Variants in SMC3 observed in about 807,000 individuals in gnomAD.
SMC3 encodes structural maintenance of chromosomes protein 3.
A neutral mutation model predicts 171.8 loss-of-function variants in SMC3; 20 were observed. The ratio of observed to expected loss-of-function variants is 0.12; its 90% CI spans 0.08 to 0.17. The LOEUF is 0.17. SMC3 is among the 10% of genes least tolerant of loss of function. The pLI, the probability that SMC3 is intolerant of heterozygous loss-of-function variation, is 1.00. For missense variants in SMC3, 543 were observed against 1,420.4 expected (o/e 0.38, Z 9.93); for synonymous variants, 464 against 451.1 (o/e 1.03, Z -0.36).
chr10:110,589,761 C>T, intron 14 of SMC3, 53 bp downstream of exon 14: 2 of 1,401,386 alleles, frequency 1.4e-6, no homozygotes, highest in Non-Finnish European at 2.0e-6. Context: ...TCGTTACTAG[C>T]TGTTATGTGG....
chr10:110,598,095 G>T, intron 19 of SMC3, 44 bp from the exon 20 acceptor site: 2 of 1,562,336 alleles, frequency 1.3e-6, no homozygotes, highest in East Asian at 2.2e-5. Flanking sequence ...AAGAACATAC[G>T]ATATATTTAC....
intron 27 of SMC3, 60 bp from the exon 28 acceptor site, chr10:110,603,123 CT>C: frequency 6.5e-7 from 1 of 1,536,534 alleles, no homozygotes; most frequent in Non-Finnish European, 9.0e-7. Flanking sequence ...AAGATAGTTG[CT>C]TTTTAAATTT....
At chr10:110,585,808 T>G (rs11195201) in intron 13 of SMC3, among the ~76,000 whole-genome samples, 1 of 151,724 alleles carries the variant, frequency 6.6e-6, no homozygotes, top group Non-Finnish European at 1.5e-5. Context: ...CCTAATCTCT[T>G]TTTTTTGGAG....
At chr10:110,603,711 A>C (rs755345492) in intron 28 of SMC3, among the ~76,000 whole-genome samples, 1 of 152,240 alleles carries the variant, frequency 6.6e-6, no homozygotes, top group South Asian at 2.1e-4. Context: ...ATTAAAATAC[A>C]TATTTTTTAA....
chr10:110,597,872 T>G (rs983983074), intron 19 of SMC3, among the ~76,000 whole-genome samples: 1 of 152,268 alleles, frequency 6.6e-6, no homozygotes, highest in East Asian at 1.9e-4. Context: ...CCTTTATGGT[T>G]TTCCAAGAAT....
At chr10:110,585,824 G>C (rs913473702) in intron 13 of SMC3, among the ~76,000 whole-genome samples, 8 of 151,810 alleles carry the variant, frequency 5.3e-5, no homozygotes, top group Admixed American at 3.3e-4. Context: ...TGGAGATGGA[G>C]TGTTGCTCTG....
chr10:110,603,338 T>A, intron 28 of SMC3, 48 bp downstream of exon 28: 1 of 1,163,652 alleles, frequency 8.6e-7, no homozygotes, highest in South Asian at 1.3e-5. Flanking sequence ...TTCAATTATA[T>A]TTGTTGAATT....
At chr10:110,580,134 T>C (rs1020234226) in intron 7 of SMC3, among the ~76,000 whole-genome samples, 1 of 152,194 alleles carries the variant, frequency 6.6e-6, no homozygotes, top group African/African-American at 2.4e-5. Flanking sequence ...TTATTATAAT[T>C]AATCTAGATA....
chr10:110,581,131 A>G (rs530437117), intron 8 of SMC3, 110 bp downstream of exon 8: 2 of 744,038 alleles, frequency 2.7e-6, no homozygotes, highest in South Asian at 2.8e-5. Context: ...ACAGCATTAG[A>G]TAATGCTGTT....
rs2134752709 is a variant in SMC3, at chr10:110,601,813, A to C, written c.2821A>C (p.Lys941Gln). ...ATTGAAGAAGAAAGAAGAGTGTATGAAGAAAATTCGAGAACTTGGATCACT... is the reference window on the plus strand; with the variant it reads ...ATTGAAGAAGAAAGAAGAGTGTATGCAGAAAATTCGAGAACTTGGATCACT... Reference protein sequence around the residue: ...MLLKKKEECMKKIRELGSLPQ... With the variant: ...MLLKKKEECMQKIRELGSLPQ... Residue 941 changes from lysine (K) to glutamine (Q), a missense_variant, in exon 24 of 29, where the codon AAG becomes CAG. Transcript: ENST00000361804. The C allele has an allele frequency of 1.2e-6, 2 of 1,613,980 alleles. No homozygotes were observed. Among genetic ancestry groups the C allele is most frequent in the Middle Eastern group, 3.3e-4 (2 of 6,056 alleles).
chr10:110,585,853 A>G (rs1179741120), intron 13 of SMC3, among the ~76,000 whole-genome samples: 1 of 151,878 alleles, frequency 6.6e-6, no homozygotes, highest in Non-Finnish European at 1.5e-5. Flanking sequence ...GCTGGAGTGC[A>G]GTGGCGCGAT....
At chr10:110,582,488 AT>A (rs1417112076) in intron 9 of SMC3, 73 bp from the exon 10 acceptor site, 2 of 1,071,068 alleles carry the variant, frequency 1.9e-6, no homozygotes, top group East Asian at 2.6e-5. Flanking sequence ...TAATAGAAAA[AT>A]TTTTATTAGA....
chr10:110,590,008 C>T lies in SMC3; in HGVS notation c.1509+17C>T. 3 of 1,599,940 alleles carry T rather than the reference C, an allele frequency of 1.9e-6. No homozygotes were observed. In the South Asian group the frequency reaches 3.3e-5, roughly 18 times the overall value. On this transcript the variant is annotated intron_variant, in intron 15 of 28. Coordinates refer to ENST00000361804, the MANE Select transcript of SMC3 (RefSeq NM_005445.4). ...ACAGGAAAGGTGGGCAGGTTCTTTT[C>T]ATCACCTCTGTTTACACTGAGTCAT...
At chr10:110,578,600 G>T in intron 6 of SMC3, 28 bp from the exon 7 acceptor site, 1 of 1,553,358 alleles carries the variant, frequency 6.4e-7, no homozygotes, top group Non-Finnish European at 8.8e-7. Flanking sequence ...ATTATTTATC[G>T]GAAAGTAATT....
At chr10:110,598,082 AT>A in intron 19 of SMC3, 56 bp from the exon 20 acceptor site, 1 of 1,508,078 alleles carries the variant, frequency 6.6e-7, no homozygotes, top group Non-Finnish European at 9.2e-7. Flanking sequence ...TCTAAAAAGA[AT>A]TAAGAACATA....
At chr10:110,579,579 C>T (rs1352763475) in intron 7 of SMC3, among the ~76,000 whole-genome samples, 3 of 152,072 alleles carry the variant, frequency 2.0e-5, no homozygotes, top group African/African-American at 7.2e-5. Flanking sequence ...TTTTATTTTT[C>T]TTCATAACAC....
At chr10:110,596,337 A>G in intron 18 of SMC3, 61 bp from the exon 19 acceptor site, 1 of 1,453,774 alleles carries the variant, frequency 6.9e-7, no homozygotes, top group Non-Finnish European at 9.4e-7. Flanking sequence ...TTTTTGTTAT[A>G]AGTCAATTTA....
At position 110,584,403 on chromosome 10, in the gene SMC3, ACTT is replaced by A; in HGVS notation, c.1305+10_1305+12del. ...AAATCTGGAGCAGTATAATGTAAGA[ACTT>A]CTATAGCTGCTTTGTAAAAATCTTT... is the stretch of plus-strand genomic sequence containing the variant. On this transcript the variant is annotated splice_region_variant and intron_variant, in intron 13 of 28. Coordinates refer to ENST00000361804, the MANE Select transcript of SMC3 (RefSeq NM_005445.4). 6.3e-7 allele frequency: 1 copy of A among 1,583,118 alleles called. No homozygotes were observed. Among genetic ancestry groups the A allele is most frequent in the Non-Finnish European group, 8.7e-7 (1 of 1,153,462 alleles).
chr10:110,602,055 C>T lies in SMC3; in HGVS notation c.2982C>T (p.Ser994=), dbSNP rs201308737. The T allele has an allele frequency of 1.1e-4, 179 of 1,613,702 alleles. 1 individual carries two copies. In the South Asian group the frequency reaches 1.8e-3, roughly 16 times the overall value. The change falls in exon 25 of 29, where the codon TCC becomes TCT. Residue 994 remains serine, a synonymous_variant. Transcript: ENST00000361804. ...KKALDQFVNF[S]EQKEKLIKRQ... Reference sequence around the variant, plus strand: ...CTTTGGATCAGTTTGTAAATTTCTCCGAGCAGAAAGAAAAGTTAATAAAGC... The same window carrying T: ...CTTTGGATCAGTTTGTAAATTTCTCTGAGCAGAAAGAAAAGTTAATAAAGC...
Sources: allele counts gnomAD v4.1 joint callset (sites outside exome capture counted in the v4.1 genomes callset), GRCh38; gene constraint gnomAD v4.1.1; transcripts MANE v1.5; gene names NCBI Gene and HGNC (gene_info 2026-07-23, HGNC 2026-07-21).